HCN1: variants seen among roughly 807,000 people sequenced by gnomAD.
HCN1 encodes the protein potassium/sodium hyperpolarization-activated cyclic nucleotide-gated channel 1.
In HCN1, 13 loss-of-function variants were observed where a neutral mutation model predicts 78.9. The observed-to-expected ratio is 0.16, with a 90% CI of 0.11 to 0.26. The LOEUF (loss-of-function observed/expected upper bound fraction) is 0.26. HCN1 is among the 10% of genes least tolerant of loss of function. The pLI is 1.00. For missense variants in HCN1, 810 were observed against 1,154.3 expected (o/e 0.70, Z 4.32); for synonymous variants, 552 against 455.5 (o/e 1.21, Z -2.70).
rs544799438 is a variant in HCN1, at chr5:45,499,565, G to A, written c.850-37558C>T. Among the ~76,000 whole-genome samples the A allele has an allele frequency of 6.1e-4, 93 of 152,310 alleles. 3 individuals carry two copies. In the South Asian group the frequency reaches 0.019, roughly 31 times the overall value. On this transcript the variant is annotated intron_variant, in intron 2 of 7. Coordinates refer to ENST00000303230, the MANE Select transcript of HCN1 (RefSeq NM_021072.4). ...ACCCGTCTTCTGCGTCGCTTACGCT[G>A]GGAGCTGTAGACTGGAGCTGTTCCT...
chr5:45,447,981 A>T (rs1740834492), intron 3 of HCN1, among the ~76,000 whole-genome samples: 1 of 151,860 alleles, frequency 6.6e-6, no homozygotes, highest in Non-Finnish European at 1.5e-5. Flanking sequence ...AAAAGAGAAC[A>T]TTTTTTGATT....
At chr5:45,530,429 C>T (rs915610699) in intron 2 of HCN1, among the ~76,000 whole-genome samples, 3 of 145,236 alleles carry the variant, frequency 2.1e-5, no homozygotes, top group South Asian at 2.1e-4. Context: ...TATATATATA[C>T]ATATATAGTT....
At chr5:45,446,386 G>A (rs1485925304) in intron 3 of HCN1, among the ~76,000 whole-genome samples, 1 of 152,170 alleles carries the variant, frequency 6.6e-6, no homozygotes, top group Non-Finnish European at 1.5e-5. Flanking sequence ...ATGGGACTAT[G>A]TGAAAAGACC....
At chr5:45,491,913 A>T (rs1247433443) in intron 2 of HCN1, among the ~76,000 whole-genome samples, 1 of 152,162 alleles carries the variant, frequency 6.6e-6, no homozygotes, top group Non-Finnish European at 1.5e-5. Flanking sequence ...TAAATGATTA[A>T]TAAGTACTAC....
chr5:45,293,995 C>T (rs1745434117), intron 6 of HCN1, among the ~76,000 whole-genome samples: 1 of 151,930 alleles, frequency 6.6e-6, no homozygotes, highest in African/African-American at 2.4e-5. Context: ...GGAGATTAAT[C>T]GTTCTTTCCT....
intron 3 of HCN1, among the ~76,000 whole-genome samples, chr5:45,430,043 C>A (rs1463175371): frequency 6.6e-6 from 1 of 151,686 alleles, no homozygotes; most frequent in African/African-American, 2.4e-5. Flanking sequence ...AGACTCTAGG[C>A]ATAAAGAAAT....
At chr5:45,326,290 G>T (rs570319639) in intron 5 of HCN1, among the ~76,000 whole-genome samples, 1 of 151,524 alleles carries the variant, frequency 6.6e-6, no homozygotes, top group East Asian at 1.9e-4. Context: ...CTTCATGAAA[G>T]AAATTTATAT....
intron 2 of HCN1, among the ~76,000 whole-genome samples, chr5:45,610,246 T>C (rs1018856506): frequency 2.6e-5 from 4 of 152,032 alleles, no homozygotes; most frequent in African/African-American, 4.8e-5. Flanking sequence ...GCCATGAGAA[T>C]GTAAGAAACA....
chr5:45,354,591 T>C (rs1196309829), intron 4 of HCN1, among the ~76,000 whole-genome samples: 1 of 152,046 alleles, frequency 6.6e-6, no homozygotes, highest in East Asian at 1.9e-4. Flanking sequence ...CCCATTTTAT[T>C]GCATCTCTTC....
chr5:45,646,367 CT>C lies in HCN1; in HGVS notation c.426-760del, dbSNP rs201964510. 4.2e-3 allele frequency among the ~76,000 whole-genome samples: 517 copies of C among 123,484 alleles called. 3 individuals are homozygous for C. Among genetic ancestry groups the C allele is most frequent in the Middle Eastern group, 0.023 (5 of 214 alleles). The allele number at this position is 123,484 out of a possible 152,430, so 81.0% of individuals were successfully genotyped here. A position where few individuals can be genotyped will look rare whatever the true frequency, so the allele number is the denominator to read the frequency against. On this transcript the variant is annotated intron_variant, in intron 1 of 7. Coordinates refer to ENST00000303230, the MANE Select transcript of HCN1 (RefSeq NM_021072.4). Reference sequence around the variant, plus strand: ...TTCCATAAAAATTCTTTCTTTCTTTCTTTTTTTTTTTTTTTTTTTTGAGACG... The same window carrying C: ...TTCCATAAAAATTCTTTCTTTCTTTCTTTTTTTTTTTTTTTTTTTGAGACG...
intron 3 of HCN1, among the ~76,000 whole-genome samples, chr5:45,439,954 C>T (rs185983553): frequency 2.3e-4 from 34 of 146,972 alleles, no homozygotes; most frequent in Middle Eastern, 3.6e-3. Flanking sequence ...AAAAATATAA[C>T]AAAAATATAT....
At chr5:45,310,450 C>T (rs1745827710) in intron 5 of HCN1, among the ~76,000 whole-genome samples, 1 of 152,090 alleles carries the variant, frequency 6.6e-6, no homozygotes, top group Non-Finnish European at 1.5e-5. Flanking sequence ...ACATGTAAAT[C>T]AAAACCACAA....
At chr5:45,316,351 C>CA (rs1168622409) in intron 5 of HCN1, among the ~76,000 whole-genome samples, 2 of 152,064 alleles carry the variant, frequency 1.3e-5, no homozygotes, top group African/African-American at 4.8e-5. Flanking sequence ...AGGCCTTTGA[C>CA]AAAATTCAAC....
At chr5:45,569,129 C>T (rs190666686) in intron 2 of HCN1, among the ~76,000 whole-genome samples, 18 of 152,230 alleles carry the variant, frequency 1.2e-4, no homozygotes, top group African/African-American at 3.8e-4. Flanking sequence ...TAAGTTACCT[C>T]CAGCTAATGA....
At chr5:45,686,112 CAT>C (rs759881382) in intron 1 of HCN1, among the ~76,000 whole-genome samples, 1 of 149,088 alleles carries the variant, frequency 6.7e-6, no homozygotes, top group East Asian at 2.0e-4. Context: ...ATGAATTTTA[CAT>C]ATATATATAT....
At chr5:45,442,052 T>C (rs557856688) in intron 3 of HCN1, among the ~76,000 whole-genome samples, 38 of 152,190 alleles carry the variant, frequency 2.5e-4, no homozygotes, top group Non-Finnish European at 4.3e-4. Flanking sequence ...TTTATTTATG[T>C]ATTTTATCTA....
At chr5:45,511,713 G>A (rs1208281335) in intron 2 of HCN1, among the ~76,000 whole-genome samples, 2 of 152,028 alleles carry the variant, frequency 1.3e-5, no homozygotes, top group Admixed American at 6.6e-5. Context: ...AAGGAGACAT[G>A]AGGACTTAAT....
At chr5:45,526,352 C>T (rs1029131384) in intron 2 of HCN1, among the ~76,000 whole-genome samples, 5 of 152,038 alleles carry the variant, frequency 3.3e-5, no homozygotes, top group Admixed American at 3.3e-4. Context: ...AAACTAAACT[C>T]CCTGGGAGAC....
chr5:45,397,206 A>C (rs910821563), intron 3 of HCN1, among the ~76,000 whole-genome samples: 10 of 152,188 alleles, frequency 6.6e-5, no homozygotes, highest in Non-Finnish European at 1.5e-4. Flanking sequence ...TTCCTTAAAT[A>C]AAAATTTGAA....
Sources: gnomAD v4.1 joint callset for allele counts (sites outside exome capture counted in the v4.1 genomes callset) on GRCh38, gnomAD v4.1.1 for gene constraint, MANE v1.5 for transcripts, NCBI Gene and HGNC (gene_info 2026-07-23, HGNC 2026-07-21) for gene names.